Variants in GULP1 observed in about 807,000 individuals in gnomAD.
GULP1 encodes the protein PTB domain-containing engulfment adapter protein 1.
In GULP1, 19 loss-of-function variants were observed where a neutral mutation model predicts 40.9. The observed-to-expected ratio is 0.46, with a 90% confidence interval of 0.32 to 0.68. GULP1 has a LOEUF of 0.68. GULP1 is among the 30% of genes least tolerant of loss of function. The probability of loss-of-function intolerance (pLI) is 0.03; values close to 1 mark genes in which losing one functional copy is unlikely to be tolerated. For missense variants in GULP1, 312 were observed against 362.2 expected (o/e 0.86, Z 1.12); for synonymous variants, 119 against 117.6 (o/e 1.01, Z -0.08).
chr2:188,576,780 C>T (rs1213717714), intron 9 of GULP1, among the ~76,000 whole-genome samples: 2 of 152,094 alleles, frequency 1.3e-5, no homozygotes, highest in East Asian at 1.9e-4. Context: ...GAGAAATTTC[C>T]GTTACTTGAC....
At chr2:188,554,758 T>C (rs2153386395) in intron 7 of GULP1, among the ~76,000 whole-genome samples, 1 of 152,206 alleles carries the variant, frequency 6.6e-6, no homozygotes, top group Admixed American at 6.5e-5. Context: ...CCCACTATTA[T>C]TGTATTGCAG....
At chr2:188,374,758 GAA>G (rs756951975) in intron 1 of GULP1, among the ~76,000 whole-genome samples, 2 of 139,488 alleles carry the variant, frequency 1.4e-5, no homozygotes, top group African/African-American at 2.6e-5. Context: ...CAGGAAAGAG[GAA>G]AAAAAAAAAA....
At chr2:188,445,784 T>C (rs1575303897) in intron 2 of GULP1, among the ~76,000 whole-genome samples, 1 of 152,332 alleles carries the variant, frequency 6.6e-6, no homozygotes, top group African/African-American at 2.4e-5. Context: ...GCTATTTTCT[T>C]TCCATTCCAG....
intron 2 of GULP1, among the ~76,000 whole-genome samples, chr2:188,441,974 A>T (rs1045580530): frequency 6.6e-6 from 1 of 152,246 alleles, no homozygotes; most frequent in African/African-American, 2.4e-5. Context: ...TTTCAAAAAC[A>T]TAAAAAATAG....
intron 7 of GULP1, among the ~76,000 whole-genome samples, chr2:188,567,958 A>T (rs996647119): frequency 6.6e-6 from 1 of 152,104 alleles, no homozygotes; most frequent in African/African-American, 2.4e-5. Flanking sequence ...ACATGCATAC[A>T]TTGGTATCTG....
At chr2:188,413,526 G>C (rs2054186251) in intron 2 of GULP1, among the ~76,000 whole-genome samples, 1 of 152,066 alleles carries the variant, frequency 6.6e-6, no homozygotes, top group African/African-American at 2.4e-5. Context: ...CCCACTTTTT[G>C]ATGGGGTTGT....
intron 1 of GULP1, among the ~76,000 whole-genome samples, chr2:188,346,865 G>A (rs2043743362): frequency 6.6e-6 from 1 of 151,432 alleles, no homozygotes; most frequent in African/African-American, 2.4e-5. Context: ...CAACTACTCA[G>A]GAGGCTGAGA....
intron 2 of GULP1, 78 bp downstream of exon 2, chr2:188,383,967 T>G (rs1407710786): frequency 6.6e-6 from 1 of 152,182 alleles, no homozygotes; most frequent in Non-Finnish European, 1.5e-5. Context: ...TTTTATTATG[T>G]GTTGAATGTT....
intron 1 of GULP1, among the ~76,000 whole-genome samples, chr2:188,294,627 A>G (rs2034523668): frequency 6.6e-6 from 1 of 152,042 alleles, no homozygotes; most frequent in Admixed American, 6.6e-5. Flanking sequence ...TGTGGTTTAT[A>G]TTTCCTCTGT....
chr2:188,585,368 G>T (rs1006073985), intron 10 of GULP1, among the ~76,000 whole-genome samples: 3 of 152,168 alleles, frequency 2.0e-5, no homozygotes, highest in Non-Finnish European at 2.9e-5. Flanking sequence ...GCCCCAGTGG[G>T]GACTCTGTGT....
chr2:188,470,548 T>C (rs2060503220), intron 2 of GULP1, among the ~76,000 whole-genome samples: 2 of 152,142 alleles, frequency 1.3e-5, no homozygotes, highest in African/African-American at 4.8e-5. Flanking sequence ...GAGTCACTTA[T>C]GGCTATAAAC....
chr2:188,487,235 CT>C lies in GULP1; in HGVS notation c.90+3750del, dbSNP rs200818864. 2.4e-3 allele frequency among the ~76,000 whole-genome samples: 363 copies of C among 151,944 alleles called. 1 individual carries two copies. Among genetic ancestry groups the C allele is most frequent in the African/African-American group, 8.2e-3 (339 of 41,490 alleles). On this transcript the variant is annotated intron_variant, in intron 4 of 11. Coordinates refer to ENST00000409830, the MANE Select transcript of GULP1 (RefSeq NM_016315.4). Reference sequence around the variant, plus strand: ...AATTGTGACAAATGTTTCATTGAAACTTTTTTTATTGAATGTTTTATTCTAA... The same window carrying C: ...AATTGTGACAAATGTTTCATTGAAACTTTTTTATTGAATGTTTTATTCTAA...
At chr2:188,415,003 T>G (rs2054397773) in intron 2 of GULP1, among the ~76,000 whole-genome samples, 1 of 152,170 alleles carries the variant, frequency 6.6e-6, no homozygotes, top group Non-Finnish European at 1.5e-5. Context: ...TAAATATGTT[T>G]CCATGTAGAA....
At chr2:188,300,269 T>TTATTTTTCATATATAAAGAACAG in intron 1 of GULP1, among the ~76,000 whole-genome samples, 2 of 152,320 alleles carry the variant, frequency 1.3e-5, no homozygotes, top group Admixed American at 1.3e-4. Flanking sequence ...TTATATTTGT[T>TTATTTTTCATATATAAAGAACAG]TATTTTTCAT....
intron 2 of GULP1, among the ~76,000 whole-genome samples, chr2:188,449,938 A>G (rs948860095): frequency 1.3e-5 from 2 of 151,986 alleles, no homozygotes; most frequent in African/African-American, 4.8e-5. Context: ...CTTGGCTCTG[A>G]TTTTCTTTCT....
intron 9 of GULP1, chr2:188,582,404 CGTA>C (rs749355587): frequency 6.4e-6 from 3 of 471,544 alleles, no homozygotes; most frequent in South Asian, 4.6e-5. Context: ...CTCTTTCTGG[CGTA>C]GTAATGGTGA....
At chr2:188,579,287 A>C (rs1507553) in intron 9 of GULP1, among the ~76,000 whole-genome samples, 2,498 of 152,122 alleles carry the variant, frequency 0.016, 77 homozygotes, top group African/African-American at 0.056. Flanking sequence ...CCACTCAACT[A>C]TTTTCATGCA....
At chr2:188,393,455 A>G (rs1385330839) in intron 2 of GULP1, among the ~76,000 whole-genome samples, 2 of 151,930 alleles carry the variant, frequency 1.3e-5, no homozygotes, top group African/African-American at 2.4e-5. Context: ...TCCTGAGTTT[A>G]TATGAGTCTT....
intron 2 of GULP1, among the ~76,000 whole-genome samples, chr2:188,425,920 C>A (rs1435874326): frequency 6.6e-6 from 1 of 152,014 alleles, no homozygotes; most frequent in East Asian, 1.9e-4. Flanking sequence ...TCAGAAATTG[C>A]CCTTTTTAAT....
Sources: gnomAD v4.1 joint callset for allele counts (sites outside exome capture counted in the v4.1 genomes callset) on GRCh38, gnomAD v4.1.1 for gene constraint, MANE v1.5 for transcripts, NCBI Gene and HGNC (gene_info 2026-07-23, HGNC 2026-07-21) for gene names.